LMF1: variants seen among roughly 807,000 people sequenced by gnomAD.
LMF1 encodes lipase maturation factor 1.
In LMF1, 68 loss-of-function variants were observed where a neutral mutation model predicts 60.6. That is an observed-to-expected ratio of 1.12 (90% confidence interval 0.92 to 1.37). The LOEUF (loss-of-function observed/expected upper bound fraction) is 1.37, where lower values mean the gene tolerates loss of function less well. Among genes scored for constraint, LMF1 ranks in the 40% most tolerant of loss-of-function variants. The pLI is 0.00. For synonymous variants in LMF1, 418 were observed against 324.7 expected (o/e 1.29, Z -3.09); for missense variants, 948 against 767.2 (o/e 1.24, Z -2.78).
At chr16:966,482 A>C (rs1207729336) in intron 1 of LMF1, among the ~76,000 whole-genome samples, 1 of 152,360 alleles carries the variant, frequency 6.6e-6, no homozygotes, top group East Asian at 1.9e-4. Context: ...CCACACATAA[A>C]GTCAGTCTGC....
chr16:879,174 C>T (rs897479596), intron 6 of LMF1, among the ~76,000 whole-genome samples: 8 of 152,116 alleles, frequency 5.3e-5, no homozygotes, highest in Admixed American at 2.6e-4. Flanking sequence ...CCTGGTTCCC[C>T]GTGGACTGAC....
intron 2 of LMF1, among the ~76,000 whole-genome samples, chr16:947,021 G>C (rs141227138): frequency 6.8e-4 from 104 of 152,374 alleles, no homozygotes; most frequent in African/African-American, 2.5e-3. Context: ...AGGCAGGACT[G>C]AGTGCTAGGC....
chr16:912,728 G>A, intron 3 of LMF1, among the ~76,000 whole-genome samples: 1 of 152,222 alleles, frequency 6.6e-6, no homozygotes, highest in East Asian at 1.9e-4. Context: ...GGCTGGCTGG[G>A]CCTTGCGGAC....
At position 868,972 on chromosome 16, in the gene LMF1, T is replaced by A. The variant is rs774296427; in HGVS notation, c.1501A>T (p.Asn501Tyr). The A allele has an allele frequency of 1.2e-6, 2 of 1,611,952 alleles. No individual in the cohort carries two copies. The highest frequency in any genetic ancestry group is 4.5e-5 in the East Asian group (2 of 44,852). ...GGCGGGGGCCTGCCCGCGAAGGGGT[T>A]GTGTGCCAGCAGGGACAAGGCCTCG... ...DAEALSLLAH[N>Y]PFAGRPPPRW... is the part of the protein sequence containing the mutation. Residue 501 changes from asparagine to tyrosine, a missense_variant, in exon 10 of 11, where the codon AAC (asparagine) becomes TAC (tyrosine). Physicochemically the swap from Asn to Tyr is moderately radical, Grantham distance 143 (BLOSUM62 -2). Coordinates refer to ENST00000262301, the MANE Select transcript of LMF1 (RefSeq NM_022773.4).
In LMF1 at chr16:970,849, G is replaced by A. The variant is rs767737264; in HGVS notation, c.132C>T (p.Leu44=). ...GRGPAGSPAH[L]HTGTFWLTRI... ...GGGTCAGCCAGAAGGTGCCCGTGTG[G>A]AGATGGGCCGGAGAGCCTGCGGGGC... The change falls in exon 1 of 11, where the codon CTC becomes CTT. Residue 44 remains leucine, a synonymous_variant. Transcript: ENST00000262301. The A allele has an allele frequency of 6.4e-7, 1 of 1,556,362 alleles. No homozygotes were observed. Among genetic ancestry groups the A allele is most frequent in the South Asian group, 1.2e-5 (1 of 83,718 alleles).
At chr16:918,704 C>G in intron 3 of LMF1, among the ~76,000 whole-genome samples, 1 of 146,598 alleles carries the variant, frequency 6.8e-6, no homozygotes, top group East Asian at 2.0e-4. Flanking sequence ...CCTTGAGGCA[C>G]TCAAAGGCAG....
At chr16:978,055 C>T (rs1440732009) in intron 1 of LMF1, among the ~76,000 whole-genome samples, 2 of 142,364 alleles carry the variant, frequency 1.4e-5, no homozygotes, top group Admixed American at 7.1e-5. Context: ...CACACACAAA[C>T]ACACCCACAC....
At chr16:860,854 T>C (rs2069442017) in intron 10 of LMF1, among the ~76,000 whole-genome samples, 1 of 152,206 alleles carries the variant, frequency 6.6e-6, no homozygotes, top group Admixed American at 6.5e-5. Context: ...CCTCTGTCAA[T>C]ACTACACTGT....
chr16:931,771 G>C, intron 3 of LMF1: 2 of 1,287,218 alleles, frequency 1.6e-6, no homozygotes, highest in Non-Finnish European at 2.0e-6. Context: ...CTGCGCGACA[G>C]TCCAAAGTGA....
At chr16:973,237 C>T (rs1234045467), upstream of LMF1, among the ~76,000 whole-genome samples, 1 of 152,054 alleles carries the variant, frequency 6.6e-6, no homozygotes, top group South Asian at 2.1e-4. Context: ...CCCAGCTACT[C>T]GGGAGACTGT....
chr16:930,735 C>T (rs1464392083), intron 3 of LMF1, among the ~76,000 whole-genome samples: 1 of 152,210 alleles, frequency 6.6e-6, no homozygotes, highest in Non-Finnish European at 1.5e-5. Context: ...CCCGGGGAGC[C>T]CACGCCGAGC....
At chr16:954,971 T>C (rs79523980) in intron 1 of LMF1, among the ~76,000 whole-genome samples, 17,556 of 78,726 alleles carry the variant, frequency 0.22, 2,467 homozygotes, top group African/African-American at 0.4. Context: ...CACACACACA[T>C]ATCTAAGTGA....
At chr16:916,056 T>A (rs1049744491) in intron 3 of LMF1, among the ~76,000 whole-genome samples, 1 of 152,098 alleles carries the variant, frequency 6.6e-6, no homozygotes, top group Non-Finnish European at 1.5e-5. Context: ...AAGGGAGGGA[T>A]GAGGGGCCAG....
Position 870,939 on chromosome 16 carries a change from C to G in LMF1, c.1079-57G>C, listed in dbSNP as rs1030659213. The G allele has an allele frequency of 9.3e-5, 143 of 1,533,058 alleles. No individual in the cohort carries two copies. In the South Asian group the frequency reaches 1.7e-3, roughly 18 times the overall value. 95.0% of individuals were successfully genotyped at this position (1,533,058 alleles called of 1,614,324 possible). On this transcript the variant is annotated intron_variant, in intron 7 of 10. Coordinates refer to ENST00000262301, the MANE Select transcript of LMF1 (RefSeq NM_022773.4). ...CTCCCAGCTGCCCCGTGGCCTGTCC[C>G]TGGGGAGACCCCAGCTGCTGCTCCC...
intron 5 of LMF1, among the ~76,000 whole-genome samples, chr16:880,124 C>T (rs1034869693): frequency 2.6e-5 from 4 of 152,178 alleles, no homozygotes; most frequent in Non-Finnish European, 4.4e-5. Context: ...CCCCAAGAGC[C>T]GGGGTCCACA....
rs1567312834 is a variant in LMF1 at position 954,062 on chromosome 16, G to GCTTCCTACATGTCCACACAGACACCC, written c.503+294_503+295insGGGTGTCTGTGTGGACATGTAGGAAG. Among the ~76,000 whole-genome samples, 11 of 110,846 alleles carry GCTTCCTACATGTCCACACAGACACCC rather than the reference G, an allele frequency of 9.9e-5. 2 individuals are homozygous for GCTTCCTACATGTCCACACAGACACCC. Among genetic ancestry groups the GCTTCCTACATGTCCACACAGACACCC allele is most frequent in the African/African-American group, 3.6e-4 (9 of 24,764 alleles). The allele number at this position is 110,846 out of a possible 152,430, so 72.7% of individuals were successfully genotyped here. ...CCTCCTACACGTCCACACAGACACA[G>GCTTCCTACATGTCCACACAGACACCC]ACCCACTGCTTCTGCCTCCCTTTCC... is the stretch of plus-strand genomic sequence containing the variant. On this transcript the variant is annotated intron_variant, in intron 2 of 10. Coordinates refer to ENST00000262301, the MANE Select transcript of LMF1 (RefSeq NM_022773.4).
At chr16:859,921 G>A (rs1452183238) in intron 10 of LMF1, among the ~76,000 whole-genome samples, 1 of 141,774 alleles carries the variant, frequency 7.1e-6, no homozygotes, top group Admixed American at 6.8e-5. Flanking sequence ...TGGTGTCACG[G>A]GATCGGTGTG....
rs2069116259 is a variant in LMF1, at chr16:853,934, T to C, written c.*598A>G. 2.2e-6 allele frequency: 1 copy of C among 454,020 alleles called. No homozygotes were observed. 28.1% of individuals were successfully genotyped at this position (454,020 alleles called of 1,614,324 possible). A position where few individuals can be genotyped will look rare whatever the true frequency, so the allele number is the denominator to read the frequency against. ...TGTGCACAGGCTGTGTGTGCCTGCATGTGTGGGATGCGTGTAGGCTGTGGC... is the reference window on the plus strand; with the variant it reads ...TGTGCACAGGCTGTGTGTGCCTGCACGTGTGGGATGCGTGTAGGCTGTGGC... On this transcript the variant is annotated 3_prime_UTR_variant, in exon 11 of 11. Transcript: ENST00000262301.
intron 2 of LMF1, chr16:934,527 G>A (rs536027377): frequency 8.3e-6 from 4 of 482,046 alleles, no homozygotes; most frequent in Non-Finnish European, 1.5e-5. Flanking sequence ...TTTTGCGAAT[G>A]AGTGAATTAA....
Sources: gnomAD v4.1 joint callset for allele counts (sites outside exome capture counted in the v4.1 genomes callset) on GRCh38, gnomAD v4.1.1 for gene constraint, MANE v1.5 for transcripts, NCBI Gene and HGNC (gene_info 2026-07-23, HGNC 2026-07-21) for gene names.